CPVL: variants seen among roughly 807,000 people sequenced by gnomAD.
The protein encoded by CPVL is carboxypeptidase vitellogenic like, also known as probable serine carboxypeptidase CPVL.
Under a neutral mutation model 63.7 loss-of-function variants are expected in CPVL, and 51 were observed. The observed-to-expected ratio is 0.80, with a 90% confidence interval of 0.64 to 1.01. The LOEUF is 1.01. Ranked by LOEUF, CPVL falls within the 50% of genes least tolerant of loss-of-function variation. The probability of loss-of-function intolerance (pLI) is 0.00; values close to 1 mark genes in which losing one functional copy is unlikely to be tolerated. For missense variants in CPVL, 530 were observed against 573.1 expected, an observed-to-expected ratio of 0.92 and a Z score of 0.77; for synonymous variants, 195 against 206.0, an observed-to-expected ratio of 0.95 and a Z score of 0.46.
At chr7:29,037,635 T>A (rs994729818) in intron 11 of CPVL, among the ~76,000 whole-genome samples, 3 of 150,458 alleles carry the variant, frequency 2.0e-5, no homozygotes, top group African/African-American at 7.4e-5. Flanking sequence ...ATGTGAAGCA[T>A]GATAAAGTAC....
intron 9 of CPVL, among the ~76,000 whole-genome samples, chr7:29,068,717 T>C (rs1345144300): frequency 5.4e-5 from 8 of 146,846 alleles, no homozygotes. Context: ...TTTTTTGAGA[T>C]GGAGTCTCGC....
chr7:29,092,119 G>C (rs1488915441), intron 6 of CPVL, among the ~76,000 whole-genome samples: 1 of 149,602 alleles, frequency 6.7e-6, no homozygotes, highest in Non-Finnish European at 1.5e-5. Context: ...ATTAATATGA[G>C]TGAAAAAAGG....
intron 11 of CPVL, among the ~76,000 whole-genome samples, chr7:29,038,486 A>C (rs930645801): frequency 6.6e-6 from 1 of 152,180 alleles, no homozygotes; most frequent in Non-Finnish European, 1.5e-5. Flanking sequence ...CCCTTAGTCT[A>C]TGTTACTATG....
chr7:29,104,307 G>A (rs979847478), intron 3 of CPVL, among the ~76,000 whole-genome samples: 1 of 152,060 alleles, frequency 6.6e-6, no homozygotes, highest in East Asian at 1.9e-4. Flanking sequence ...TGTTACCCAG[G>A]CTGGAGTGCA....
At chr7:28,997,423 A>G (rs1784191635) in intron 12 of CPVL, among the ~76,000 whole-genome samples, 1 of 152,232 alleles carries the variant, frequency 6.6e-6, no homozygotes, top group African/African-American at 2.4e-5. Context: ...TAGTACATTT[A>G]TTATATTGAA....
At chr7:29,016,212 G>T (rs1384485071) in intron 12 of CPVL, among the ~76,000 whole-genome samples, 9 of 152,054 alleles carry the variant, frequency 5.9e-5, no homozygotes, top group African/African-American at 2.2e-4. Flanking sequence ...TCAGCCAGAT[G>T]TGGTGGTGGG....
chr7:29,147,171 G>C (rs1027403877), upstream of CPVL: 1 of 650,522 alleles, frequency 1.5e-6, no homozygotes, highest in Non-Finnish European at 2.6e-6. Flanking sequence ...GCTGGGCATC[G>C]AGCCAGACAG....
At chr7:29,067,349 G>A (rs945399039) in intron 9 of CPVL, among the ~76,000 whole-genome samples, 4 of 152,196 alleles carry the variant, frequency 2.6e-5, no homozygotes, top group African/African-American at 9.6e-5. Flanking sequence ...ATGAGAGGGA[G>A]TAACCAGGGG....
chr7:29,061,675 G>A (rs924141243), intron 11 of CPVL, among the ~76,000 whole-genome samples: 6 of 152,046 alleles, frequency 3.9e-5, no homozygotes, highest in Non-Finnish European at 7.4e-5. Context: ...GGCCAGGTGC[G>A]GTGGTTCATG....
intron 5 of CPVL, among the ~76,000 whole-genome samples, chr7:29,154,267 C>T (rs1794032375): frequency 1.3e-5 from 2 of 152,166 alleles, no homozygotes; most frequent in African/African-American, 4.8e-5. Flanking sequence ...AGTGAAGGAA[C>T]AATAAGGGCA....
At chr7:29,176,225 CTATT>C (rs1295289302) in intron 5 of CPVL, among the ~76,000 whole-genome samples, 2 of 151,444 alleles carry the variant, frequency 1.3e-5, no homozygotes, top group African/African-American at 4.8e-5. Flanking sequence ...AAGACCATGA[CTATT>C]TATTTATTCT....
At chr7:29,109,618 A>G (rs1285340785) in intron 3 of CPVL, among the ~76,000 whole-genome samples, 1 of 152,130 alleles carries the variant, frequency 6.6e-6, no homozygotes, top group African/African-American at 2.4e-5. Context: ...TCTTGGAACA[A>G]TCTATCTTGG....
chr7:29,095,017 T>G, intron 5 of CPVL, 67 bp downstream of exon 5: 1 of 1,186,538 alleles, frequency 8.4e-7, no homozygotes, highest in South Asian at 1.3e-5. Context: ...ATGTACTTAA[T>G]AAAAAGGAAA....
upstream of CPVL, chr7:29,146,985 T>A: frequency 6.4e-7 from 1 of 1,550,774 alleles, no homozygotes; most frequent in Non-Finnish European, 8.7e-7. Flanking sequence ...AGTGCCACTG[T>A]CCTGCCAAGC....
At chr7:29,146,881 A>G, upstream of CPVL, 1 of 1,551,212 alleles carries the variant, frequency 6.4e-7, no homozygotes. Flanking sequence ...TTACATTTGG[A>G]AAGCGAGTGG....
chr7:29,096,115 T>C lies in CPVL; in HGVS notation c.391A>G (p.Ser131Gly), dbSNP rs1786376897. ...AAGGGATACTTACAGGTCATGTTAC[T>C]TGTGACAACATAAGGCCCATGTTCC... ...FVEHGPYVVT[S>G]NMTLRDRDFP... The change falls in exon 4 of 13, where the codon AGT (serine) becomes GGT (glycine). Residue 131 changes from serine to glycine, a missense_variant. By Grantham distance (56) the Ser-to-Gly change is moderately conservative. Transcript: ENST00000265394. 1 of 1,613,542 alleles carries C rather than the reference T, an allele frequency of 6.2e-7. No individual in the cohort carries two copies. The highest frequency in any genetic ancestry group is 1.3e-5 in the African/African-American group (1 of 75,052).
Position 29,100,173 on chromosome 7 carries a change from G to T in CPVL, c.289-3956C>A, listed in dbSNP as rs62444063. On this transcript the variant is annotated intron_variant, in intron 3 of 12. Coordinates refer to ENST00000265394, the MANE Select transcript of CPVL (RefSeq NM_031311.5). ...AGCCCCTGCTCTTCCCAGCCTCCCA[G>T]GGAGTGTGAGATGCTGCGAGTCCAA... Among the ~76,000 whole-genome samples, 1,312 of 152,330 alleles carry T rather than the reference G, an allele frequency of 8.6e-3. 8 individuals carry two copies. The highest frequency in any genetic ancestry group is 0.014 in the Non-Finnish European group (982 of 68,030).
chr7:29,007,044 C>G (rs901377686), intron 12 of CPVL, among the ~76,000 whole-genome samples: 1 of 152,180 alleles, frequency 6.6e-6, no homozygotes, highest in African/African-American at 2.4e-5. Context: ...ATATCATTCT[C>G]CATGTGTGGA....
At chr7:29,047,418 GAACA>G (rs1418760230) in intron 11 of CPVL, among the ~76,000 whole-genome samples, 1 of 152,148 alleles carries the variant, frequency 6.6e-6, no homozygotes, top group East Asian at 1.9e-4. Flanking sequence ...CAATAGAACT[GAACA>G]AATAGAAAAA....
Sources: gnomAD v4.1 joint callset for allele counts (sites outside exome capture counted in the v4.1 genomes callset) on GRCh38, gnomAD v4.1.1 for gene constraint, MANE v1.5 for transcripts, NCBI Gene and HGNC (gene_info 2026-07-23, HGNC 2026-07-21) for gene names.